FSAF1: variants seen among roughly 807,000 people sequenced by gnomAD.
The protein encoded by FSAF1 is 40S small subunit processome assembly factor 1.
At chr1:231,233,283 TA>T in the FSAF1 span, among the ~76,000 whole-genome samples, 2 of 152,248 alleles carry the variant, frequency 1.3e-5, no homozygotes, top group Non-Finnish European at 1.5e-5. Flanking sequence ...CTCTCTAGTA[TA>T]AAAGTTATGT....
the FSAF1 span, among the ~76,000 whole-genome samples, chr1:231,229,475 G>C: frequency 6.6e-6 from 1 of 152,164 alleles, no homozygotes; most frequent in Non-Finnish European, 1.5e-5. Context: ...TTAAAAAATA[G>C]AATGATCATA....
At chr1:231,236,568 GA>G in the FSAF1 span, 4 of 152,224 alleles carry the variant, frequency 2.6e-5, no homozygotes, top group African/African-American at 9.6e-5. Context: ...AAGCAACAGG[GA>G]AATGCAGACT....
At chr1:231,233,795 C>T in the FSAF1 span, among the ~76,000 whole-genome samples, 1 of 152,212 alleles carries the variant, frequency 6.6e-6, no homozygotes, top group Admixed American at 6.5e-5. Flanking sequence ...TTGTGATCCG[C>T]CTGCCTCAGC....
the FSAF1 span, among the ~76,000 whole-genome samples, chr1:231,231,490 C>T: frequency 1.3e-5 from 2 of 152,144 alleles, no homozygotes; most frequent in African/African-American, 4.8e-5. Flanking sequence ...AATCAAGTCT[C>T]TAAGTTGAAC....
the FSAF1 span, among the ~76,000 whole-genome samples, chr1:231,234,507 C>T: frequency 1.3e-5 from 2 of 152,190 alleles, no homozygotes; most frequent in Non-Finnish European, 2.9e-5. This position sits in a 1 kb window ranked among gnomAD's most constrained non-coding sequence, Gnocchi z 4.0. Flanking sequence ...GTCCAGGCCA[C>T]GCTATTTTGA....
the FSAF1 span, among the ~76,000 whole-genome samples, chr1:231,236,249 T>A: frequency 1.5e-4 from 23 of 152,202 alleles, no homozygotes; most frequent in African/African-American, 5.3e-4. Flanking sequence ...ATTATATTCA[T>A]GTGTATTTAT....
At chr1:231,232,962 C>T in the FSAF1 span, among the ~76,000 whole-genome samples, 1 of 152,144 alleles carries the variant, frequency 6.6e-6, no homozygotes, top group Non-Finnish European at 1.5e-5. Flanking sequence ...TTGTTCACAC[C>T]TTGATGAGCC....
chr1:231,240,232 GT>G, the FSAF1 span, among the ~76,000 whole-genome samples: 2 of 152,220 alleles, frequency 1.3e-5, no homozygotes, highest in Admixed American at 1.3e-4. The surrounding 1 kb of genome is among the most constrained non-coding windows in gnomAD (Gnocchi z 4.1). Context: ...TATATGGCAA[GT>G]TCTCAACAGT....
the FSAF1 span, chr1:231,224,706 C>T: frequency 0.029 from 10,075 of 346,754 alleles, 202 homozygotes; most frequent in South Asian, 0.037. Context: ...GACTAATTTC[C>T]CAGCTCACCT....
the FSAF1 span, chr1:231,229,016 T>A: frequency 1.9e-6 from 1 of 533,238 alleles, no homozygotes; most frequent in Non-Finnish European, 3.2e-6. Flanking sequence ...ATTTTTATAA[T>A]ACCTAACATC....
chr1:231,227,129 T>C, the FSAF1 span: 2 of 1,526,066 alleles, frequency 1.3e-6, no homozygotes, highest in East Asian at 2.3e-5. Flanking sequence ...GAAAAAAACA[T>C]ACTGCCAGAA....
chr1:231,233,727 AT>A, the FSAF1 span, among the ~76,000 whole-genome samples: 1 of 152,018 alleles, frequency 6.6e-6, no homozygotes, highest in Admixed American at 6.6e-5. Flanking sequence ...TAATTTTTGT[AT>A]TTTTAGTAAA....
chr1:231,225,240 A>G, the FSAF1 span: 1 of 569,836 alleles, frequency 1.8e-6, no homozygotes, highest in Non-Finnish European at 3.1e-6. Context: ...TCCACTAGTC[A>G]CTTAGAGTGT....
At chr1:231,234,451 A>G in the FSAF1 span, among the ~76,000 whole-genome samples, 2 of 152,180 alleles carry the variant, frequency 1.3e-5, no homozygotes, top group Non-Finnish European at 2.9e-5. This position sits in a 1 kb window ranked among gnomAD's most constrained non-coding sequence, Gnocchi z 4.0. Flanking sequence ...GCAGCCTTGC[A>G]CTTATGAAAG....
At chr1:231,233,123 C>T in the FSAF1 span, among the ~76,000 whole-genome samples, 3 of 152,118 alleles carry the variant, frequency 2.0e-5, no homozygotes, top group African/African-American at 4.8e-5. Flanking sequence ...ATCCACATTG[C>T]GGGGCAGTAT....
the FSAF1 span, chr1:231,229,307 C>G: frequency 1.4e-6 from 1 of 733,010 alleles, no homozygotes; most frequent in Non-Finnish European, 2.2e-6. Flanking sequence ...TGAAAGTGAC[C>G]CTTTCACACC....
chr1:231,225,467 T>A, the FSAF1 span: 1 of 1,613,480 alleles, frequency 6.2e-7, no homozygotes, highest in Non-Finnish European at 8.5e-7. Context: ...ATAAAATCAC[T>A]CACCTGTCCT....
the FSAF1 span, among the ~76,000 whole-genome samples, chr1:231,232,086 C>T: frequency 2.0e-5 from 3 of 152,198 alleles, no homozygotes; most frequent in Non-Finnish European, 4.4e-5. Flanking sequence ...GCTGCTGAGT[C>T]CCTATTAGCA....
the FSAF1 span, among the ~76,000 whole-genome samples, chr1:231,230,364 T>A: frequency 6.6e-6 from 1 of 152,200 alleles, no homozygotes; most frequent in Non-Finnish European, 1.5e-5. Context: ...TTCCCTCCCA[T>A]CTGGCCACTA....
Sources: allele counts gnomAD v4.1 joint callset (sites outside exome capture counted in the v4.1 genomes callset), GRCh38; gene constraint gnomAD v4.1.1; non-coding constraint Gnocchi (gnomAD v3.1); transcripts MANE v1.5; gene names NCBI Gene and HGNC (gene_info 2026-07-23, HGNC 2026-07-21).